The following MECOM variants were observed in gnomAD, a reference collection of about 807,000 sequenced individuals.
MECOM encodes the protein MDS1 and EVI1 complex locus, also known as histone-lysine N-methyltransferase MECOM.
Under a neutral mutation model 116.3 loss-of-function variants are expected in MECOM, and 13 were observed. The observed-to-expected ratio is 0.11, with a 90% confidence interval of 0.07 to 0.18. The LOEUF is 0.18. Among genes scored for constraint, MECOM ranks in the 10% least tolerant of loss-of-function variants. The pLI, the probability that MECOM is intolerant of heterozygous loss-of-function variation, is 1.00. For missense variants in MECOM, 1,299 were observed against 1,509.0 expected, an observed-to-expected ratio of 0.86 and a Z score of 2.31; for synonymous variants, 528 against 535.2, an observed-to-expected ratio of 0.99 and a Z score of 0.19.
chr3:169,101,176 G>T (rs1294234902), intron 11 of MECOM, among the ~76,000 whole-genome samples: 8 of 152,134 alleles, frequency 5.3e-5, no homozygotes, highest in Non-Finnish European at 1.0e-4. Context: ...GGTTGAATTT[G>T]TTCACTTATA....
At chr3:169,525,795 G>A (rs750675405) in intron 1 of MECOM, among the ~76,000 whole-genome samples, 5 of 152,176 alleles carry the variant, frequency 3.3e-5, no homozygotes, top group Non-Finnish European at 5.9e-5. Flanking sequence ...TTGGGAGGCC[G>A]AGGCGGGTGG....
In MECOM at chr3:169,473,960, C is replaced by T. The variant is rs562673482; in HGVS notation, c.38-92436G>A. Among the ~76,000 whole-genome samples the T allele has an allele frequency of 4.7e-4, 71 of 152,140 alleles. No individual in the cohort carries two copies. The East Asian group carries it at 7.7e-3, about 17-fold the overall frequency. The stretch of plus-strand genomic sequence containing the variant: ...GACAGGTTCTCAGAGAGAAAGAATA[C>T]GCTCGCATCTTTCCTCCCTTTTCCT... On this transcript the variant is annotated intron_variant, in intron 1 of 16. Coordinates refer to ENST00000651503, the MANE Select transcript of MECOM (RefSeq NM_004991.4).
rs1002948185 is a variant in MECOM at position 169,127,947 on chromosome 3, C to T, written c.727G>A (p.Glu243Lys). ...STPHSAFSMV[E>K]EDFQQKLESE... ...TCGAGTTTTTGCTGAAAGTCCTCTT[C>T]AACCATTGAAAATGCTGAGTGAGGA... Residue 243 changes from glutamate (E) to lysine (K), a missense_variant, in exon 5 of 17, where the codon GAA (glutamate) becomes AAA (lysine). Around this residue, in one of 6 missense-constraint regions of MECOM, gnomAD observed 374 missense variants for 433.4 expected, o/e 0.86. Coordinates refer to ENST00000651503, the MANE Select transcript of MECOM (RefSeq NM_004991.4). 1 of 1,614,076 alleles carries T rather than the reference C, an allele frequency of 6.2e-7. No individual in the cohort carries two copies. The highest frequency in any genetic ancestry group is 8.5e-7 in the Non-Finnish European group (1 of 1,179,920).
intron 12 of MECOM, among the ~76,000 whole-genome samples, chr3:169,098,419 C>G (rs1576891116): frequency 6.6e-6 from 1 of 152,216 alleles, no homozygotes; most frequent in East Asian, 1.9e-4. Context: ...CTGATATTTT[C>G]TCATTATTAG....
At chr3:169,486,014 A>ATG (rs1752310642) in intron 1 of MECOM, among the ~76,000 whole-genome samples, 9 of 127,948 alleles carry the variant, frequency 7.0e-5, no homozygotes, top group African/African-American at 2.5e-4. Context: ...TACTATATAT[A>ATG]TATGTATATA....
intron 1 of MECOM, among the ~76,000 whole-genome samples, chr3:169,564,893 G>T (rs1056101200): frequency 5.9e-5 from 9 of 152,214 alleles, no homozygotes; most frequent in African/African-American, 2.2e-4. Flanking sequence ...TATACATGAA[G>T]ATCCTTCTGT....
At chr3:169,160,868 A>G (rs897827808) in intron 2 of MECOM, among the ~76,000 whole-genome samples, 2 of 152,188 alleles carry the variant, frequency 1.3e-5, no homozygotes, top group African/African-American at 4.8e-5. Context: ...TTTCTTCAGA[A>G]TGTGGTAAAA....
intron 1 of MECOM, among the ~76,000 whole-genome samples, chr3:169,661,467 C>A (rs1470799044): frequency 6.6e-6 from 1 of 152,170 alleles, no homozygotes; most frequent in Non-Finnish European, 1.5e-5. Context: ...CGCCCTTTGA[C>A]ACTGTAGCAG....
chr3:169,496,259 T>G (rs1753799519), intron 1 of MECOM, among the ~76,000 whole-genome samples: 1 of 152,172 alleles, frequency 6.6e-6, no homozygotes, highest in South Asian at 2.1e-4. Context: ...CCTTAAAGAT[T>G]CCCTTGAAGA....
intron 2 of MECOM, among the ~76,000 whole-genome samples, chr3:169,278,973 C>T (rs1759951130): frequency 6.6e-6 from 1 of 152,214 alleles, no homozygotes; most frequent in Admixed American, 6.5e-5. Context: ...CTGGCCTAGG[C>T]AGGCTCAGGA....
At position 169,355,416 on chromosome 3, in the gene MECOM, G is replaced by T. The variant is rs142450573; in HGVS notation, c.375+25771C>A. On this transcript the variant is annotated intron_variant, in intron 2 of 16. Transcript: ENST00000651503. Reference sequence around the variant, plus strand: ...TTCAAAAGTGAATGTATAAACAGAGGTTAATTTGTGGAAACTAGGATTGCA... The same window carrying T: ...TTCAAAAGTGAATGTATAAACAGAGTTTAATTTGTGGAAACTAGGATTGCA... Among the ~76,000 whole-genome samples, 283 of 152,016 alleles carry T rather than the reference G, an allele frequency of 1.9e-3. 2 individuals carry two copies. The highest frequency in any genetic ancestry group is 6.5e-3 in the African/African-American group (268 of 41,518).
At chr3:169,105,176 C>T (rs1453754950) in intron 10 of MECOM, among the ~76,000 whole-genome samples, 1 of 152,136 alleles carries the variant, frequency 6.6e-6, no homozygotes, top group African/African-American at 2.4e-5. Context: ...TTTCATCTTC[C>T]TAATGTGTGC....
intron 1 of MECOM, among the ~76,000 whole-genome samples, chr3:169,644,170 G>A (rs1197186550): frequency 6.6e-6 from 1 of 152,010 alleles, no homozygotes; most frequent in Non-Finnish European, 1.5e-5. Flanking sequence ...TGATTCTGAA[G>A]CCCCACTCCT....
chr3:169,126,175 AG>A (rs1314152200), intron 5 of MECOM, among the ~76,000 whole-genome samples: 1 of 152,104 alleles, frequency 6.6e-6, no homozygotes, highest in East Asian at 1.9e-4. Flanking sequence ...CTAAACTAAC[AG>A]TTGGTTTCAG....
chr3:169,305,748 G>T (rs943765336), intron 2 of MECOM, among the ~76,000 whole-genome samples: 3 of 152,098 alleles, frequency 2.0e-5, no homozygotes, highest in Admixed American at 6.5e-5. Flanking sequence ...AGAGTGATAT[G>T]TACACAGAAG....
intron 2 of MECOM, among the ~76,000 whole-genome samples, chr3:169,160,672 G>A (rs555391771): frequency 1.1e-3 from 159 of 151,014 alleles, no homozygotes; most frequent in African/African-American, 3.8e-3. Flanking sequence ...AACTAAAAGA[G>A]TATAACTGAG....
chr3:169,119,515 CA>C (rs1730284061), intron 7 of MECOM, among the ~76,000 whole-genome samples: 1 of 152,116 alleles, frequency 6.6e-6, no homozygotes, highest in Non-Finnish European at 1.5e-5. Flanking sequence ...TTCCAGATCC[CA>C]GAATCTTCGA....
chr3:169,305,915 A>C (rs1269763956), intron 2 of MECOM, among the ~76,000 whole-genome samples: 2 of 152,116 alleles, frequency 1.3e-5, no homozygotes, highest in South Asian at 2.1e-4. Context: ...GTTATTGGGA[A>C]TGTCTCTCCA....
At chr3:169,622,821 C>T (rs1169845331) in intron 1 of MECOM, among the ~76,000 whole-genome samples, 2 of 152,030 alleles carry the variant, frequency 1.3e-5, no homozygotes, top group African/African-American at 2.4e-5. Context: ...AGTGCAGAGG[C>T]GCTGGGGTCA....
Sources: gnomAD v4.1 joint callset for allele counts (sites outside exome capture counted in the v4.1 genomes callset) on GRCh38, gnomAD v4.1.1 for gene constraint, gnomAD v4.1.1 regional missense constraint, MANE v1.5 for transcripts, NCBI Gene and HGNC (gene_info 2026-07-23, HGNC 2026-07-21) for gene names.